PLD1: variants seen among roughly 807,000 people sequenced by gnomAD.
PLD1 encodes the protein phospholipase D1, also known as choline phosphatase 1.
A neutral mutation model predicts 137.1 loss-of-function variants in PLD1; 112 were observed. The observed-to-expected ratio is 0.82, with a 90% CI of 0.70 to 0.96. PLD1 has a LOEUF of 0.96. Among genes scored for constraint, PLD1 ranks in the 40% least tolerant of loss-of-function variants. The pLI, the probability that PLD1 is intolerant of heterozygous loss-of-function variation, is 0.00. For synonymous variants in PLD1, 431 were observed against 454.7 expected (o/e 0.95, Z 0.66); for missense variants, 1,321 against 1,342.0 (o/e 0.98, Z 0.24).
intron 1 of PLD1, chr3:171,809,504 G>T (rs1242134320): frequency 6.6e-6 from 1 of 152,232 alleles, no homozygotes; most frequent in Non-Finnish European, 1.5e-5. Context: ...AGGGCTGGCT[G>T]ATAAAGTTAA....
At chr3:171,790,345 A>G (rs1330709693) in intron 1 of PLD1, among the ~76,000 whole-genome samples, 6 of 152,130 alleles carry the variant, frequency 3.9e-5, no homozygotes, top group Non-Finnish European at 8.8e-5. Flanking sequence ...CATGTAACCT[A>G]CTAAGTCTGC....
In PLD1 at chr3:171,602,396, T is replaced by C. The variant is rs1731889720; in HGVS notation, c.*682A>G. The C allele has an allele frequency of 6.6e-6, 1 of 152,340 alleles. No individual in the cohort carries two copies. The highest frequency in any genetic ancestry group is 2.4e-5 in the African/African-American group (1 of 41,450). 9.4% of individuals were successfully genotyped at this position (152,340 alleles called of 1,614,324 possible). On this transcript the variant is annotated 3_prime_UTR_variant, in exon 27 of 27. Coordinates refer to ENST00000351298, the MANE Select transcript of PLD1 (RefSeq NM_002662.5). Reference sequence around the variant, plus strand: ...AATGAAATAAATCTCTGTCTCAATATTGGAATTTATTCCTTCCTGTTGCTT... The same window carrying C: ...AATGAAATAAATCTCTGTCTCAATACTGGAATTTATTCCTTCCTGTTGCTT...
In PLD1 at chr3:171,733,445, G is replaced by T; in HGVS notation, c.605C>A (p.Thr202Lys). The T allele has an allele frequency of 8.2e-7, 1 of 1,216,738 alleles. No homozygotes were observed. The allele number at this position is 1,216,738 out of a possible 1,614,324, so 75.4% of individuals were successfully genotyped here. ...CTTAAATCACTGACTAGTACTTACTGTGGCATGATAGTTTCTATACATGGG... is the reference window on the plus strand; with the variant it reads ...CTTAAATCACTGACTAGTACTTACTTTGGCATGATAGTTTCTATACATGGG... The part of the protein sequence containing the change: ...KMPMYRNYHA[T>K]TEFLDISQLS... The change falls in exon 6 of 27, where the codon ACA becomes AAA. Residue 202 changes from threonine (T) to lysine (K), a missense_variant and splice_region_variant. Transcript: ENST00000351298.
chr3:171,751,683 T>C (rs548101471), intron 1 of PLD1, among the ~76,000 whole-genome samples: 2 of 152,354 alleles, frequency 1.3e-5, no homozygotes, highest in African/African-American at 2.4e-5. Context: ...CATGCACTGC[T>C]GTGAATTAAA....
chr3:171,784,893 T>C (rs1722935938), intron 1 of PLD1, among the ~76,000 whole-genome samples: 1 of 152,234 alleles, frequency 6.6e-6, no homozygotes, highest in South Asian at 2.1e-4. Flanking sequence ...TTTACCATTG[T>C]AGTGGACACC....
At chr3:171,734,428 C>T (rs965322712) in intron 5 of PLD1, among the ~76,000 whole-genome samples, 5 of 152,192 alleles carry the variant, frequency 3.3e-5, no homozygotes, top group South Asian at 2.1e-4. Context: ...GTCTGTACTC[C>T]GTCAGACTCT....
intron 23 of PLD1, among the ~76,000 whole-genome samples, chr3:171,620,736 CTCTCTCTATATA>C (rs1171482548): frequency 1.3e-5 from 1 of 76,950 alleles, no homozygotes; most frequent in African/African-American, 5.8e-5. Flanking sequence ...CTCTCTCTCT[CTCTCTCTATATA>C]TATATATATA....
chr3:171,758,608 C>T (rs1166164384), intron 1 of PLD1, among the ~76,000 whole-genome samples: 2 of 152,176 alleles, frequency 1.3e-5, no homozygotes, highest in Admixed American at 6.5e-5. Context: ...TCCAAGTGAG[C>T]CATATGCATA....
At chr3:171,694,758 A>C (rs886669507) in intron 12 of PLD1, among the ~76,000 whole-genome samples, 8 of 152,156 alleles carry the variant, frequency 5.3e-5, no homozygotes, top group Non-Finnish European at 5.9e-5. Context: ...CCTGAATCCT[A>C]CAGTTTTCTA....
intron 9 of PLD1, among the ~76,000 whole-genome samples, chr3:171,710,785 G>T (rs890461884): frequency 2.0e-5 from 3 of 151,858 alleles, no homozygotes; most frequent in Non-Finnish European, 4.4e-5. Flanking sequence ...AAGCAAAATG[G>T]CATATTCCAT....
rs865811626 is a variant in PLD1 at position 171,761,687 on chromosome 3, G to A, written c.-31-23605C>T. On this transcript the variant is annotated intron_variant, in intron 1 of 26. Coordinates refer to ENST00000351298, the MANE Select transcript of PLD1 (RefSeq NM_002662.5). ...TAAGTCTAGTGCTCAGAGTAGGCAC[G>A]TGGTAAGTCCTGAGACTCCCAGATA... Among the ~76,000 whole-genome samples, 5 of 152,314 alleles carry A rather than the reference G, an allele frequency of 3.3e-5. No individual in the cohort carries two copies. The South Asian group carries it at 1.0e-3, about 32-fold the overall frequency.
At chr3:171,635,694 T>G (rs991141414) in intron 23 of PLD1, among the ~76,000 whole-genome samples, 9 of 152,050 alleles carry the variant, frequency 5.9e-5, no homozygotes, top group Admixed American at 2.0e-4. Context: ...GATTTGCAAA[T>G]GGTTTTCTCT....
chr3:171,604,006 T>C (rs1395664808), intron 26 of PLD1, among the ~76,000 whole-genome samples: 1 of 152,122 alleles, frequency 6.6e-6, no homozygotes, highest in Non-Finnish European at 1.5e-5. Context: ...CATGACCTAT[T>C]TGATCATGGC....
At chr3:171,744,524 C>T (rs1252116595) in intron 1 of PLD1, among the ~76,000 whole-genome samples, 3 of 152,164 alleles carry the variant, frequency 2.0e-5, no homozygotes, top group East Asian at 3.9e-4. Context: ...TTATCCTTCT[C>T]TCCTGGTTTT....
chr3:171,776,874 T>A (rs2108337071), intron 1 of PLD1, among the ~76,000 whole-genome samples: 1 of 152,370 alleles, frequency 6.6e-6, no homozygotes, highest in Non-Finnish European at 1.5e-5. Context: ...AGCACCCTTT[T>A]AAATTACTGT....
chr3:171,634,609 G>C (rs1197715467), intron 23 of PLD1, among the ~76,000 whole-genome samples: 1 of 152,092 alleles, frequency 6.6e-6, no homozygotes, highest in Non-Finnish European at 1.5e-5. Context: ...TTTGTAGGTT[G>C]AGCAGACCAT....
chr3:171,746,121 G>A (rs1028892977), intron 1 of PLD1, among the ~76,000 whole-genome samples: 17 of 152,192 alleles, frequency 1.1e-4, no homozygotes, highest in South Asian at 4.1e-4. Context: ...GCCTCCCCGC[G>A]GGGCAGAGCT....
intron 25 of PLD1, among the ~76,000 whole-genome samples, chr3:171,608,325 A>G (rs1242244287): frequency 7.2e-6 from 1 of 139,592 alleles, no homozygotes; most frequent in Non-Finnish European, 1.5e-5. Flanking sequence ...AGATGACTCA[A>G]TATTATAAAG....
At chr3:171,724,154 C>T (rs1458519788) in intron 8 of PLD1, among the ~76,000 whole-genome samples, 3 of 152,136 alleles carry the variant, frequency 2.0e-5, no homozygotes, top group Non-Finnish European at 4.4e-5. Context: ...TAGGTGAATC[C>T]CTGGAATTGC....
Sources: allele counts gnomAD v4.1 joint callset (sites outside exome capture counted in the v4.1 genomes callset), GRCh38; gene constraint gnomAD v4.1.1; transcripts MANE v1.5; gene names NCBI Gene and HGNC (gene_info 2026-07-23, HGNC 2026-07-21).